Variants in FRK observed in about 807,000 individuals in gnomAD.
The protein encoded by FRK is tyrosine-protein kinase FRK.
FRK carries 51 observed loss-of-function variants against 56.4 expected under a neutral mutation model. The ratio of observed to expected loss-of-function variants is 0.90; its 90% CI spans 0.72 to 1.14. FRK has a LOEUF of 1.14. Among genes scored for constraint, FRK ranks in the 50% most tolerant of loss-of-function variants. FRK has a pLI of 0.00. For missense variants in FRK, 570 were observed against 601.4 expected, an observed-to-expected ratio of 0.95 and a Z score of 0.55; for synonymous variants, 245 against 217.9, an observed-to-expected ratio of 1.12 and a Z score of -1.10.
At position 115,967,488 on chromosome 6, in the gene FRK, T is replaced by C. The variant is rs878886060; in HGVS notation, c.799+63A>G. The C allele has an allele frequency of 3.3e-5, 50 of 1,495,040 alleles. 1 individual carries two copies. In the South Asian group the frequency reaches 4.8e-4, roughly 14 times the overall value. 92.6% of individuals were successfully genotyped at this position (1,495,040 alleles called of 1,614,324 possible). A position where few individuals can be genotyped will look rare whatever the true frequency, so the allele number is the denominator to read the frequency against. ...GCCACCCTATGACCTCTTAGATATT[T>C]ACAGTGTTAAATTGAGCTCATAAAA... is the stretch of plus-strand genomic sequence containing the variant. On this transcript the variant is annotated intron_variant, in intron 4 of 7. Coordinates refer to ENST00000606080, the MANE Select transcript of FRK (RefSeq NM_002031.3).
At chr6:116,000,928 G>A (rs1051602150) in intron 2 of FRK, among the ~76,000 whole-genome samples, 5 of 152,164 alleles carry the variant, frequency 3.3e-5, no homozygotes, top group Non-Finnish European at 5.9e-5. Flanking sequence ...ACAAGATACT[G>A]CAAGACAGAA....
chr6:115,991,986 C>G (rs1774628346), intron 2 of FRK, among the ~76,000 whole-genome samples: 1 of 151,004 alleles, frequency 6.6e-6, no homozygotes, highest in Non-Finnish European at 1.5e-5. Flanking sequence ...ATTTTATTTC[C>G]CAAAAATTTT....
intron 1 of FRK, among the ~76,000 whole-genome samples, chr6:116,004,518 C>T (rs1242452669): frequency 1.3e-5 from 2 of 152,096 alleles, no homozygotes; most frequent in Non-Finnish European, 2.9e-5. Context: ...CACCACTGTC[C>T]AACCCTGCCA....
chr6:115,981,926 C>G (rs774538703), intron 2 of FRK, among the ~76,000 whole-genome samples: 43 of 151,866 alleles, frequency 2.8e-4, no homozygotes, highest in Admixed American at 6.6e-4. Flanking sequence ...TTAATGAGGA[C>G]CCATGCTGTT....
chr6:116,099,885 T>C, the FRK span, among the ~76,000 whole-genome samples: 2 of 152,258 alleles, frequency 1.3e-5, no homozygotes, highest in East Asian at 3.8e-4. Context: ...ATTTGTATTT[T>C]CTTTTTAAAA....
intron 1 of FRK, among the ~76,000 whole-genome samples, chr6:116,018,385 C>T (rs981105367): frequency 5.3e-5 from 8 of 152,214 alleles, no homozygotes; most frequent in Admixed American, 4.6e-4. Context: ...CAAAGCTCTT[C>T]TCACACCATT....
At chr6:116,082,091 A>C in the FRK span, among the ~76,000 whole-genome samples, 3 of 152,340 alleles carry the variant, frequency 2.0e-5, no homozygotes, top group East Asian at 1.9e-4. Flanking sequence ...ATATCTAGGA[A>C]AAGAGCATTC....
At chr6:115,973,887 G>T (rs1383359760) in intron 2 of FRK, among the ~76,000 whole-genome samples, 17 of 141,238 alleles carry the variant, frequency 1.2e-4, no homozygotes, top group Admixed American at 1.1e-3. Context: ...AAAAAAAAAA[G>T]CCAACAAAAA....
chr6:115,934,166 C>A lies in FRK; in HGVS notation c.*8248G>T, dbSNP rs1013409997. ...AGATAGATAATTCTAACCGTTAATT[C>A]ACCTCAGGGAATGTTCTCCTTAATG... On this transcript the variant is annotated 3_prime_UTR_variant, in exon 8 of 8. Coordinates refer to ENST00000606080, the MANE Select transcript of FRK (RefSeq NM_002031.3). The A allele has an allele frequency of 1.3e-5, 2 of 152,250 alleles. No homozygotes were observed. The highest frequency in any genetic ancestry group is 4.8e-5 in the African/African-American group (2 of 41,552). The allele number at this position is 152,250 out of a possible 1,614,324, so 9.4% of individuals were successfully genotyped here.
the FRK span, among the ~76,000 whole-genome samples, chr6:116,072,822 A>G: frequency 6.6e-6 from 1 of 152,166 alleles, no homozygotes; most frequent in Non-Finnish European, 1.5e-5. Context: ...ATAAGGTGAG[A>G]TATCTGTGGA....
intron 1 of FRK, among the ~76,000 whole-genome samples, chr6:116,053,905 T>C (rs1418519631): frequency 4.6e-5 from 7 of 152,090 alleles, no homozygotes; most frequent in Admixed American, 4.6e-4. Context: ...TTGAGATGCA[T>C]GTAATCAAGC....
intron 2 of FRK, among the ~76,000 whole-genome samples, chr6:115,973,491 G>T (rs1174650650): frequency 6.6e-6 from 1 of 152,034 alleles, no homozygotes; most frequent in Admixed American, 6.6e-5. Context: ...AACCACCATG[G>T]CACGCGTATA....
At chr6:116,004,387 T>C (rs77075082) in intron 1 of FRK, among the ~76,000 whole-genome samples, 1,832 of 152,224 alleles carry the variant, frequency 0.012, 37 homozygotes, top group African/African-American at 0.04. Context: ...CTGCTTCCCC[T>C]AACACCTCTG....
chr6:115,942,668 G>A (rs779840411), intron 7 of FRK, 43 bp from the exon 8 acceptor site: 7 of 1,529,484 alleles, frequency 4.6e-6, no homozygotes, highest in East Asian at 2.3e-5. Context: ...AAAAAAACAA[G>A]TTAAAGGTCA....
chr6:116,040,562 C>T (rs186156797), intron 1 of FRK, among the ~76,000 whole-genome samples: 2 of 152,208 alleles, frequency 1.3e-5, no homozygotes, highest in East Asian at 3.9e-4. Flanking sequence ...TATTATGCTA[C>T]CAAATTGCAC....
At chr6:115,959,608 T>C (rs1773245466) in intron 4 of FRK, among the ~76,000 whole-genome samples, 1 of 152,200 alleles carries the variant, frequency 6.6e-6, no homozygotes. Flanking sequence ...ATGAAAATGC[T>C]GAAACTGAAT....
At chr6:116,028,445 G>A (rs1342408186) in intron 1 of FRK, among the ~76,000 whole-genome samples, 1 of 152,096 alleles carries the variant, frequency 6.6e-6, no homozygotes, top group Non-Finnish European at 1.5e-5. Context: ...CTACAAATGG[G>A]TTAGCTTAGC....
At chr6:116,034,999 T>G (rs1024343933) in intron 1 of FRK, among the ~76,000 whole-genome samples, 2 of 152,074 alleles carry the variant, frequency 1.3e-5, no homozygotes, top group Non-Finnish European at 2.9e-5. Flanking sequence ...ATTGTTGAAG[T>G]TGAGTAATGG....
intron 2 of FRK, among the ~76,000 whole-genome samples, chr6:115,986,392 A>C (rs928623659): frequency 2.0e-5 from 3 of 152,130 alleles, no homozygotes; most frequent in Admixed American, 2.0e-4. Flanking sequence ...AGCCATGACC[A>C]AACCAGCAGC....
Sources: gnomAD v4.1 joint callset for allele counts (sites outside exome capture counted in the v4.1 genomes callset) on GRCh38, gnomAD v4.1.1 for gene constraint, MANE v1.5 for transcripts, NCBI Gene and HGNC (gene_info 2026-07-23, HGNC 2026-07-21) for gene names.